Variants in RTN4RL1 observed in about 807,000 individuals in gnomAD.
RTN4RL1 encodes the protein reticulon 4 receptor like 1.
Under a neutral mutation model 25.6 loss-of-function variants are expected in RTN4RL1, and 7 were observed. That is an observed-to-expected ratio of 0.27 (90% CI 0.16 to 0.51). RTN4RL1 has a LOEUF of 0.51. RTN4RL1 is among the 20% of genes least tolerant of loss of function. The pLI, the probability that RTN4RL1 is intolerant of heterozygous loss-of-function variation, is 0.97. For synonymous variants in RTN4RL1, 297 were observed against 288.2 expected, an observed-to-expected ratio of 1.03 and a Z score of -0.31; for missense variants, 500 against 615.6, an observed-to-expected ratio of 0.81 and a Z score of 1.99.
Position 2,024,968 on chromosome 17 carries a change from G to C in RTN4RL1, c.-103C>G. On this transcript the variant is annotated 5_prime_UTR_variant, in exon 1 of 2. Transcript: ENST00000331238. ...CAGCTGCAGCTAATCCGAGCGCGTC[G>C]AGGCGGGGGCAAGCCGGGGATCCGC... 7.7e-7 allele frequency: 1 copy of C among 1,293,596 alleles called. No homozygotes were observed. The highest frequency in any genetic ancestry group is 1.1e-6 in the Non-Finnish European group (1 of 935,342). 80.1% of individuals were successfully genotyped at this position (1,293,596 alleles called of 1,614,324 possible).
chr17:2,023,391 A>G (rs939517277), intron 1 of RTN4RL1, among the ~76,000 whole-genome samples: 4 of 152,218 alleles, frequency 2.6e-5, no homozygotes, highest in African/African-American at 9.6e-5. Flanking sequence ...AACTAGCCCC[A>G]GAAACTCTTC....
At chr17:1,938,939 A>T (rs1414431518) in intron 1 of RTN4RL1, among the ~76,000 whole-genome samples, 1 of 152,018 alleles carries the variant, frequency 6.6e-6, no homozygotes, top group African/African-American at 2.4e-5. Flanking sequence ...AGTAGTACTC[A>T]GGAGGCTGAG....
intron 1 of RTN4RL1, among the ~76,000 whole-genome samples, chr17:1,941,159 G>A (rs1242239406): frequency 6.6e-6 from 1 of 152,214 alleles, no homozygotes; most frequent in Non-Finnish European, 1.5e-5. Flanking sequence ...GTAAGGTCCA[G>A]GATGCAGTTC....
At chr17:2,001,927 T>TGGAGGAGGGG (rs1567521599) in intron 1 of RTN4RL1, among the ~76,000 whole-genome samples, 1 of 146,194 alleles carries the variant, frequency 6.8e-6, no homozygotes, top group Non-Finnish European at 1.5e-5. Flanking sequence ...ACTTCAGCCC[T>TGGAGGAGGGG]GGGGGAGGGG....
intron 1 of RTN4RL1, among the ~76,000 whole-genome samples, chr17:1,966,160 C>T (rs570423361): frequency 6.6e-6 from 1 of 152,282 alleles, no homozygotes; most frequent in African/African-American, 2.4e-5. Flanking sequence ...TCCCCACCAG[C>T]GCCTAATTAC....
At chr17:1,950,541 C>T (rs970786982) in intron 1 of RTN4RL1, among the ~76,000 whole-genome samples, 1 of 151,912 alleles carries the variant, frequency 6.6e-6, no homozygotes, top group Non-Finnish European at 1.5e-5. Context: ...CGGCACAGAG[C>T]GGGCGTGTAA....
At chr17:1,940,602 C>T (rs1771971778) in intron 1 of RTN4RL1, among the ~76,000 whole-genome samples, 2 of 152,106 alleles carry the variant, frequency 1.3e-5, no homozygotes, top group South Asian at 4.1e-4. Context: ...GGCTCCAAAC[C>T]CCACTTGACT....
At chr17:1,953,586 GAC>G (rs1209650761) in intron 1 of RTN4RL1, among the ~76,000 whole-genome samples, 11 of 151,822 alleles carry the variant, frequency 7.2e-5, no homozygotes, top group Middle Eastern at 6.8e-3. Flanking sequence ...TTTTTTTTGA[GAC>G]AGAGTCTCAC....
intron 1 of RTN4RL1, among the ~76,000 whole-genome samples, chr17:2,013,270 G>C (rs1187856333): frequency 6.6e-6 from 1 of 152,354 alleles, no homozygotes; most frequent in East Asian, 1.9e-4. Flanking sequence ...GGCTAAGTGA[G>C]GGGGAGCTCT....
chr17:1,970,689 C>T (rs2151312989), intron 1 of RTN4RL1, among the ~76,000 whole-genome samples: 1 of 152,294 alleles, frequency 6.6e-6, no homozygotes, highest in South Asian at 2.1e-4. Flanking sequence ...ACCTGATAAT[C>T]AAGGGACTGG....
chr17:1,976,831 G>A (rs1418326813), intron 1 of RTN4RL1, among the ~76,000 whole-genome samples: 1 of 152,200 alleles, frequency 6.6e-6, no homozygotes, highest in Non-Finnish European at 1.5e-5. Context: ...GACTCAACTT[G>A]TCATTTAGTG....
At chr17:1,972,332 A>AG (rs1011638018) in intron 1 of RTN4RL1, among the ~76,000 whole-genome samples, 5 of 20,992 alleles carry the variant, frequency 2.4e-4, no homozygotes, top group Admixed American at 2.3e-3. Flanking sequence ...ATAAATAAAA[A>AG]TTTAAAAAAA....
intron 1 of RTN4RL1, among the ~76,000 whole-genome samples, chr17:1,954,328 T>C (rs561774306): frequency 2.1e-4 from 32 of 151,996 alleles, no homozygotes; most frequent in Admixed American, 7.2e-4. Flanking sequence ...GAAGCCTCCC[T>C]GGACTCACTC....
At chr17:2,007,187 AG>A (rs1327220582) in intron 1 of RTN4RL1, among the ~76,000 whole-genome samples, 9 of 152,170 alleles carry the variant, frequency 5.9e-5, no homozygotes, top group Admixed American at 5.2e-4. Flanking sequence ...ATCAGAAGCA[AG>A]GGGTACGCCT....
intron 1 of RTN4RL1, among the ~76,000 whole-genome samples, chr17:1,962,134 T>C (rs1264947366): frequency 7.1e-6 from 1 of 140,294 alleles, no homozygotes; most frequent in Non-Finnish European, 1.6e-5. Flanking sequence ...AAAAAAAAAA[T>C]TAGCCAGGCG....
rs751646002 is a variant in RTN4RL1, at chr17:1,937,802, C to T, written c.20G>A (p.Cys7Tyr). ...TACCAACAGCAGCAGCAACTCCACA[C>T]AGCACCCTGGCAGGGAGAGAGAGCA... MLRKGC[C>Y]VELLLLLVAA... The change falls in exon 2 of 2, where the codon TGT (cysteine) becomes TAT (tyrosine). Residue 7 changes from cysteine (C) to tyrosine (Y), a missense_variant. Physicochemically the swap from Cys to Tyr is radical, Grantham distance 194. Coordinates refer to ENST00000331238, the MANE Select transcript of RTN4RL1 (RefSeq NM_178568.4). The T allele has an allele frequency of 8.8e-6, 14 of 1,585,068 alleles. No individual in the cohort carries two copies. Among genetic ancestry groups the T allele is most frequent in the Admixed American group, 3.4e-5 (2 of 59,654 alleles).
rs1408732026 is a variant in RTN4RL1 at position 1,936,970 on chromosome 17, G to A, written c.852C>T (p.Ser284=). 6.2e-7 allele frequency: 1 copy of A among 1,607,424 alleles called. No homozygotes were observed. Among genetic ancestry groups the A allele is most frequent in the Admixed American group, 1.7e-5 (1 of 59,516 alleles). The part of the protein sequence containing the change: ...RGSSSAVPCV[S]PGLRHGQDLK... The stretch of plus-strand genomic sequence containing the variant: ...GGTCCTGGCCGTGCCGCAGCCCAGG[G>A]GACACACAGGGGACAGCGGAGCTGG... The change falls in exon 2 of 2, where the codon TCC becomes TCT. Residue 284 remains serine (S), a synonymous_variant. Coordinates refer to ENST00000331238, the MANE Select transcript of RTN4RL1 (RefSeq NM_178568.4).
chr17:1,935,716 T>G lies in RTN4RL1; in HGVS notation c.*780A>C. 1 of 102,968 alleles carries G rather than the reference T, an allele frequency of 9.7e-6. No homozygotes were observed. The highest frequency in any genetic ancestry group is 1.9e-5 in the Non-Finnish European group (1 of 52,940). The allele number at this position is 102,968 out of a possible 1,614,324, so 6.4% of individuals were successfully genotyped here. Reference sequence around the variant, plus strand: ...GAGGGGGACTGTGCATTTGTGTATATATATATATATATATATATATATATA... The same window carrying G: ...GAGGGGGACTGTGCATTTGTGTATAGATATATATATATATATATATATATA... On this transcript the variant is annotated 3_prime_UTR_variant, in exon 2 of 2. Coordinates refer to ENST00000331238, the MANE Select transcript of RTN4RL1 (RefSeq NM_178568.4).
At chr17:2,002,369 T>G (rs928699061) in intron 1 of RTN4RL1, among the ~76,000 whole-genome samples, 1 of 151,108 alleles carries the variant, frequency 6.6e-6, no homozygotes, top group Non-Finnish European at 1.5e-5. Flanking sequence ...CTCGGCTCAC[T>G]GCAAGCTCCG....
Sources: allele counts gnomAD v4.1 joint callset (sites outside exome capture counted in the v4.1 genomes callset), GRCh38; gene constraint gnomAD v4.1.1; transcripts MANE v1.5; gene names NCBI Gene and HGNC (gene_info 2026-07-23, HGNC 2026-07-21).